Variants in TASOR2 observed in about 807,000 individuals in gnomAD.
TASOR2 encodes protein TASOR 2.
In TASOR2, 84 loss-of-function variants were observed where a neutral mutation model predicts 199.5. The observed-to-expected ratio is 0.42, with a 90% CI of 0.35 to 0.50. The LOEUF (loss-of-function observed/expected upper bound fraction) is 0.50, where lower values mean the gene tolerates loss of function less well. Among genes scored for constraint, TASOR2 ranks in the 20% least tolerant of loss-of-function variants. The probability of loss-of-function intolerance (pLI) is 0.02; values close to 1 mark genes in which losing one functional copy is unlikely to be tolerated. For missense variants in TASOR2, 2,796 were observed against 2,835.9 expected (o/e 0.99, Z 0.32); for synonymous variants, 1,103 against 1,046.6 (o/e 1.05, Z -1.04).
At chr10:5,726,787 C>T (rs1834105928) in intron 8 of TASOR2, 98 bp from the exon 10 acceptor site, 6 of 1,071,920 alleles carry the variant, frequency 5.6e-6, no homozygotes, top group East Asian at 4.8e-5. Context: ...AGAATTTTTT[C>T]TTTTCTTGAG....
Position 5,685,278 on chromosome 10 carries a change from C to G in TASOR2, c.-288+103C>G. 2.5e-6 allele frequency: 1 copy of G among 396,708 alleles called. No homozygotes were observed. The highest frequency in any genetic ancestry group is 4.4e-6 in the Non-Finnish European group (1 of 225,068). 24.6% of individuals were successfully genotyped at this position (396,708 alleles called of 1,614,324 possible). ...GCTGCCGGGGCTTGGCTGCGAGGGT[C>G]GACGCGTTCTCCTTGCCTTTTGCCG... On this transcript the variant is annotated intron_variant, in intron 1 of 20. Transcript: ENST00000328090. This position sits in a 1 kb window ranked among gnomAD's most constrained non-coding sequence, Gnocchi z 5.4.
At position 5,757,120 on chromosome 10, in the gene TASOR2, C is replaced by T. The variant is rs550554127; in HGVS notation, c.6732+382C>T. ...TGCTTGTCTCAAGAAGACCCAACTA[C>T]GGACAAAGGCTGGGTGCATAAACCT... On this transcript the variant is annotated intron_variant, in intron 16 of 20. Coordinates refer to ENST00000328090, the Ensembl canonical transcript of TASOR2. 1.8e-4 allele frequency among the ~76,000 whole-genome samples: 27 copies of T among 151,408 alleles called. 1 individual carries two copies. In the South Asian group the frequency reaches 4.4e-3, roughly 25 times the overall value.
In TASOR2 at chr10:5,751,794, A is replaced by C. The variant is rs1838077635; in HGVS notation, c.6606+1767A>C. 6.6e-6 allele frequency among the ~76,000 whole-genome samples: 1 copy of C among 152,242 alleles called. No homozygotes were observed. The highest frequency in any genetic ancestry group is 1.5e-5 in the Non-Finnish European group (1 of 68,042). On this transcript the variant is annotated intron_variant, in intron 15 of 20. Coordinates refer to ENST00000328090, the Ensembl canonical transcript of TASOR2. The surrounding 1 kb of genome is among the most constrained non-coding windows in gnomAD (Gnocchi z 5.3). The stretch of plus-strand genomic sequence containing the variant: ...GGTCCTCTCAGCACATAAAGCCAAG[A>C]AATATACATATGTACATACGTATAT...
chr10:5,686,756 T>C (rs1168916959), intron 1 of TASOR2, among the ~76,000 whole-genome samples: 3 of 152,242 alleles, frequency 2.0e-5, no homozygotes, highest in East Asian at 1.9e-4. Context: ...CCTTGGTGAA[T>C]ACAAAAGTTA....
In TASOR2 at chr10:5,685,894, T is replaced by A. The variant is rs1039923912; in HGVS notation, c.-288+719T>A. 6.6e-6 allele frequency among the ~76,000 whole-genome samples: 1 copy of A among 152,192 alleles called. No individual in the cohort carries two copies. Among genetic ancestry groups the A allele is most frequent in the Non-Finnish European group, 1.5e-5 (1 of 68,040 alleles). On this transcript the variant is annotated intron_variant, in intron 1 of 20. Coordinates refer to ENST00000328090, the Ensembl canonical transcript of TASOR2. This position sits in a 1 kb window ranked among gnomAD's most constrained non-coding sequence, Gnocchi z 5.4. The stretch of plus-strand genomic sequence containing the variant: ...GTAAGGTACAATTAGAATAGAAAAG[T>A]TTATGAAAGTGTATCCAAAACTTAA...
chr10:5,761,408 C>G (rs765142165), exon 19 of TASOR2: 31 of 1,613,746 alleles, frequency 1.9e-5, no homozygotes, highest in Admixed American at 5.0e-5. Context: ...AGCAGAAATT[C>G]TGAAATGTTT....
chr10:5,763,215 T>G (rs1222624779), exon 21 of TASOR2: 8 of 554,260 alleles, frequency 1.4e-5, no homozygotes, highest in Non-Finnish European at 2.5e-5. Context: ...GGCATTGCAG[T>G]TGTCTGTTAG....
At chr10:5,727,252 C>A in intron 10 of TASOR2, 129 bp downstream of exon 11, 1 of 907,616 alleles carries the variant, frequency 1.1e-6, no homozygotes, top group Non-Finnish European at 1.7e-6. Context: ...TTCTTAACAT[C>A]ACTGGTTCAC....
In TASOR2 at chr10:5,740,017, A is replaced by T. The variant is rs1334158385; in HGVS notation, c.1847A>T (p.Asp616Val). Residue 616 changes from aspartate to valine, a missense_variant, in exon 13 of 21, where the codon GAT becomes GTT. Asp to Val is a radical substitution (Grantham distance 152). Coordinates refer to ENST00000328090, the Ensembl canonical transcript of TASOR2. This position sits in a 1 kb window ranked among gnomAD's most constrained non-coding sequence, Gnocchi z 5.3. ...GGATCAGACTTAACAGTTAGCCAAG[A>T]TGAAGAAAGCTTGGTTCCTTGTAGT... 6.2e-7 allele frequency: 1 copy of T among 1,614,104 alleles called. No homozygotes were observed. Among genetic ancestry groups the T allele is most frequent in the Middle Eastern group, 1.6e-4 (1 of 6,062 alleles).
chr10:5,747,773 A>C, exon 15 of TASOR2: 1 of 1,614,116 alleles, frequency 6.2e-7, no homozygotes, highest in Non-Finnish European at 8.5e-7. Flanking sequence ...ATAACAGAAA[A>C]AGAAAATGTT....
chr10:5,756,675 C>G (rs1163529462), exon 16 of TASOR2: 2 of 1,613,484 alleles, frequency 1.2e-6, no homozygotes, highest in South Asian at 1.1e-5. Flanking sequence ...AAGCTTTCCA[C>G]AGAGAGAATG....
chr10:5,731,242 G>A, intron 11 of TASOR2, 39 bp downstream of exon 12: 1 of 1,564,938 alleles, frequency 6.4e-7, no homozygotes, highest in Non-Finnish European at 8.6e-7. Flanking sequence ...TATAATAATA[G>A]TTGTGGCCAG....
At chr10:5,758,677 C>T (rs1373133931) in intron 17 of TASOR2, among the ~76,000 whole-genome samples, 2 of 152,218 alleles carry the variant, frequency 1.3e-5, no homozygotes, top group African/African-American at 2.4e-5. Context: ...AGAGTTATCT[C>T]CCACCATAGT....
chr10:5,720,836 A>T lies in TASOR2; in HGVS notation c.47-35A>T. The T allele has an allele frequency of 5.0e-6, 8 of 1,594,768 alleles. No homozygotes were observed. The highest frequency in any genetic ancestry group is 6.8e-6 in the Non-Finnish European group (8 of 1,174,350). On this transcript the variant is annotated intron_variant, in intron 5 of 20. Coordinates refer to ENST00000328090, the Ensembl canonical transcript of TASOR2. This position sits in a 1 kb window ranked among gnomAD's most constrained non-coding sequence, Gnocchi z 5.3. ...TTTCTTGAGTAAATGTTTCATCATA[A>T]ATAATCAGTTTCTTTTTTACCTTCA... is the stretch of plus-strand genomic sequence containing the variant.
chr10:5,706,540 T>C lies in TASOR2; in HGVS notation c.-287-6283T>C, dbSNP rs1838633434. 2.6e-5 allele frequency among the ~76,000 whole-genome samples: 4 copies of C among 152,244 alleles called. No homozygotes were observed. Among genetic ancestry groups the C allele is most frequent in the Admixed American group, 2.6e-4 (4 of 15,290 alleles). Reference sequence around the variant, plus strand: ...AGCTGCTCAAAACAGACAAAATCTTTGATCTATCTTTATCCAGAGGATATT... The same window carrying C: ...AGCTGCTCAAAACAGACAAAATCTTCGATCTATCTTTATCCAGAGGATATT... On this transcript the variant is annotated intron_variant, in intron 1 of 20. Coordinates refer to ENST00000328090, the Ensembl canonical transcript of TASOR2. The surrounding 1 kb of genome is among the most constrained non-coding windows in gnomAD (Gnocchi z 4.8).
At chr10:5,709,462 G>C (rs1157056123) in intron 1 of TASOR2, 1 of 1,040,414 alleles carries the variant, frequency 9.6e-7, no homozygotes, top group Non-Finnish European at 1.2e-6. Context: ...GCGAACATTT[G>C]TTTCTATAGT....
rs199646801 is a variant in TASOR2 at position 5,729,820 on chromosome 10, C to CT, written c.488-658dup. On this transcript the variant is annotated intron_variant, in intron 10 of 20. Transcript: ENST00000328090. ...AGTTCATAGGGACCAGACCTTTTCTCTTTTTTTTTCCCTTTTACTGTTTCC... is the reference window on the plus strand; with the variant it reads ...AGTTCATAGGGACCAGACCTTTTCTCTTTTTTTTTTCCCTTTTACTGTTTCC... Among the ~76,000 whole-genome samples the CT allele has an allele frequency of 6.8e-3, 1,033 of 151,100 alleles. 19 individuals are homozygous for CT. The highest frequency in any genetic ancestry group is 0.024 in the African/African-American group (977 of 41,240).
rs752507835 is a variant in TASOR2, at chr10:5,748,586, C to T, written c.5165C>T (p.Ser1722Phe). Residue 1722 changes from serine (S) to phenylalanine (F), a missense_variant, in exon 15 of 21, where the codon TCT (serine) becomes TTT (phenylalanine). This residue lies in a region of TASOR2 where 1,941 missense variants were observed against 1,924.9 expected (regional missense o/e 1.01). Transcript: ENST00000328090. This position sits in a 1 kb window ranked among gnomAD's most constrained non-coding sequence, Gnocchi z 5.1. ...GGCCCTCAGTCCAACACCACATCTT[C>T]TCTAAAAGGTGAACGCAAAGCCATC... 4 of 1,613,738 alleles carry T rather than the reference C, an allele frequency of 2.5e-6. No homozygotes were observed. The highest frequency in any genetic ancestry group is 1.1e-5 in the South Asian group (1 of 91,078).
intron 7 of TASOR2, among the ~76,000 whole-genome samples, 191 bp downstream of exon 8, chr10:5,723,968 G>A (rs1833707455): frequency 6.6e-6 from 1 of 152,170 alleles, no homozygotes. Context: ...CTGAAAGGTA[G>A]TTTCATCTAA....
Sources: allele counts gnomAD v4.1 joint callset (sites outside exome capture counted in the v4.1 genomes callset), GRCh38; gene constraint gnomAD v4.1.1; regional missense constraint gnomAD v4.1.1; non-coding constraint Gnocchi (gnomAD v3.1); transcripts MANE v1.5; gene names NCBI Gene and HGNC (gene_info 2026-07-23, HGNC 2026-07-21).